CAMK2G: variants seen among roughly 807,000 people sequenced by gnomAD.
CAMK2G encodes the protein calcium/calmodulin dependent protein kinase II gamma, also known as calcium/calmodulin-dependent protein kinase type II subunit gamma.
Under a neutral mutation model 88.7 loss-of-function variants are expected in CAMK2G, and 23 were observed. The ratio of observed to expected loss-of-function variants is 0.26; its 90% CI spans 0.19 to 0.37. The LOEUF is 0.37. CAMK2G is among the 10% of genes least tolerant of loss of function. The pLI is 1.00. For missense variants in CAMK2G, 476 were observed against 780.8 expected (o/e 0.61, Z 4.65); for synonymous variants, 263 against 294.8 (o/e 0.89, Z 1.11).
intron 10 of CAMK2G, among the ~76,000 whole-genome samples, chr10:73,843,041 T>G (rs2093931548): frequency 6.6e-6 from 1 of 152,024 alleles, no homozygotes; most frequent in Non-Finnish European, 1.5e-5. Context: ...ATCGTCACCT[T>G]GAAGCATCAA....
intron 12 of CAMK2G, among the ~76,000 whole-genome samples, chr10:73,841,659 G>C (rs945456671): frequency 1.3e-5 from 2 of 152,112 alleles, no homozygotes; most frequent in Non-Finnish European, 2.9e-5. Context: ...TAGTATCTCA[G>C]GGACTATTTT....
At chr10:73,856,768 G>A (rs1015448894) in intron 3 of CAMK2G, among the ~76,000 whole-genome samples, 2 of 152,156 alleles carry the variant, frequency 1.3e-5, no homozygotes, top group African/African-American at 2.4e-5. Context: ...AAACCTAATT[G>A]CTGTTCTTTA....
chr10:73,862,042 T>C (rs975721515), intron 2 of CAMK2G, among the ~76,000 whole-genome samples: 1 of 152,140 alleles, frequency 6.6e-6, no homozygotes, highest in African/African-American at 2.4e-5. Flanking sequence ...GACTCCAGGA[T>C]TACTTGGTTT....
chr10:73,816,811 G>T (rs28431212), intron 21 of CAMK2G: 1 of 1,529,372 alleles, frequency 6.5e-7, no homozygotes, highest in African/African-American at 1.4e-5. Context: ...AGCAGCTGCA[G>T]AATGAATGGC....
intron 14 of CAMK2G, among the ~76,000 whole-genome samples, chr10:73,835,142 T>C (rs2093039210): frequency 6.6e-6 from 1 of 152,186 alleles, no homozygotes; most frequent in South Asian, 2.1e-4. Context: ...TTTGGATGTT[T>C]ATCTGTCTGC....
intron 2 of CAMK2G, among the ~76,000 whole-genome samples, chr10:73,869,899 A>G (rs185174595): frequency 2.8e-4 from 42 of 152,396 alleles, no homozygotes; most frequent in African/African-American, 9.6e-4. Context: ...TAAATGGTAC[A>G]TATACAGAAG....
intron 15 of CAMK2G, among the ~76,000 whole-genome samples, chr10:73,826,641 C>T (rs761508189): frequency 5.3e-5 from 8 of 152,214 alleles, no homozygotes; most frequent in Admixed American, 1.3e-4. Context: ...GAGGAGCAGC[C>T]TGATGCCTGC....
intron 5 of CAMK2G, 87 bp downstream of exon 5, chr10:73,852,167 G>C: frequency 1.1e-6 from 1 of 941,698 alleles, no homozygotes; most frequent in Non-Finnish European, 1.8e-6. Flanking sequence ...ATTCAAACAG[G>C]TACAATGCTG....
rs1258592921 is a variant in CAMK2G at position 73,856,849 on chromosome 10, T to C, written c.221-3603A>G. Reference sequence around the variant, plus strand: ...CTTGATATTTCATGTCTTCAAGGACTGAGATAGCCACAACCCAAATGTTGT... The same window carrying C: ...CTTGATATTTCATGTCTTCAAGGACCGAGATAGCCACAACCCAAATGTTGT... On this transcript the variant is annotated intron_variant, in intron 3 of 22. Transcript: ENST00000423381. 3.9e-5 allele frequency among the ~76,000 whole-genome samples: 6 copies of C among 152,272 alleles called. No individual in the cohort carries two copies. The South Asian group carries it at 8.3e-4, about 21-fold the overall frequency.
Position 73,842,519 on chromosome 10 carries a change from A to G in CAMK2G, c.842T>C (p.Met281Thr). The change falls in exon 11 of 23, where the codon ATG (methionine) becomes ACG (threonine). Residue 281 changes from methionine to threonine, a missense_variant. Physicochemically the swap from Met to Thr is moderately conservative, Grantham distance 81. Coordinates refer to ENST00000423381, the MANE Select transcript of CAMK2G (RefSeq NM_001367534.1). This position sits in a 1 kb window ranked among gnomAD's most constrained non-coding sequence, Gnocchi z 4.6. Reference sequence around the variant, plus strand: ...CTCCACAGTCTCCTGACGATGCATCATGGATGCCACCGTGGATCGTTGCTA... The same window carrying G: ...CTCCACAGTCTCCTGACGATGCATCGTGGATGCCACCGTGGATCGTTGCTA... Reference protein sequence around the residue: ...WVCQRSTVASMMHRQETVECL... With the variant: ...WVCQRSTVASTMHRQETVECL... The G allele has an allele frequency of 1.2e-6, 2 of 1,613,366 alleles. No homozygotes were observed. Among genetic ancestry groups the G allele is most frequent in the Non-Finnish European group, 1.7e-6 (2 of 1,179,300 alleles).
intron 18 of CAMK2G, among the ~76,000 whole-genome samples, 192 bp downstream of exon 18, chr10:73,821,490 G>T (rs1010899518): frequency 3.3e-5 from 5 of 152,182 alleles, no homozygotes; most frequent in Admixed American, 3.3e-4. Context: ...GAAGCCTCTT[G>T]CCCAACTCAG....
intron 2 of CAMK2G, among the ~76,000 whole-genome samples, chr10:73,866,325 C>A (rs574650506): frequency 2.0e-5 from 3 of 152,284 alleles, no homozygotes; most frequent in Admixed American, 6.5e-5. Flanking sequence ...CCCTGAACCA[C>A]CTCCCCCTCT....
At chr10:73,822,241 C>A (rs1188779630) in intron 17 of CAMK2G, among the ~76,000 whole-genome samples, 3 of 152,188 alleles carry the variant, frequency 2.0e-5, no homozygotes, top group African/African-American at 7.2e-5. Context: ...GATCTCGGCT[C>A]ACTGCAACCT....
intron 1 of CAMK2G, chr10:73,873,563 G>A (rs2095925103): frequency 1.0e-6 from 1 of 992,118 alleles, no homozygotes; most frequent in Non-Finnish European, 1.2e-6. Flanking sequence ...GCAAAGTGAG[G>A]CTCAAACCCC....
At chr10:73,861,648 G>A (rs1022623966) in intron 2 of CAMK2G, among the ~76,000 whole-genome samples, 1 of 152,134 alleles carries the variant, frequency 6.6e-6, no homozygotes, top group Non-Finnish European at 1.5e-5. Context: ...GAGCCACCGC[G>A]CCTGGCCCAG....
At chr10:73,870,936 T>C (rs1404769579) in intron 2 of CAMK2G, among the ~76,000 whole-genome samples, 1 of 152,030 alleles carries the variant, frequency 6.6e-6, no homozygotes, top group Non-Finnish European at 1.5e-5. Flanking sequence ...GTTCCCTCCA[T>C]CTCCAAGACA....
Position 73,830,316 on chromosome 10 carries a change from C to T in CAMK2G, c.1054-2195G>A, listed in dbSNP as rs546695235. ...AGAGATAAGGTCTTGCTCTATTGCC[C>T]GGGCTGAAGTACTGGCATGATCATG... is the stretch of plus-strand genomic sequence containing the variant. On this transcript the variant is annotated intron_variant, in intron 14 of 22. Coordinates refer to ENST00000423381, the MANE Select transcript of CAMK2G (RefSeq NM_001367534.1). Among the ~76,000 whole-genome samples, 20 of 152,104 alleles carry T rather than the reference C, an allele frequency of 1.3e-4. No homozygotes were observed. In the East Asian group the frequency reaches 2.1e-3, roughly 16 times the overall value.
chr10:73,861,773 C>T (rs935262760), intron 2 of CAMK2G, among the ~76,000 whole-genome samples: 1 of 152,112 alleles, frequency 6.6e-6, no homozygotes, highest in Admixed American at 6.5e-5. Context: ...TGATGGCAAG[C>T]CTGAAACATA....
At chr10:73,864,183 C>A (rs1196984815) in intron 2 of CAMK2G, among the ~76,000 whole-genome samples, 1 of 152,082 alleles carries the variant, frequency 6.6e-6, no homozygotes, top group Non-Finnish European at 1.5e-5. Context: ...AACCCCATCT[C>A]TACTAAAAAT....
Sources: allele counts gnomAD v4.1 joint callset (sites outside exome capture counted in the v4.1 genomes callset), GRCh38; gene constraint gnomAD v4.1.1; non-coding constraint Gnocchi (gnomAD v3.1); transcripts MANE v1.5; gene names NCBI Gene and HGNC (gene_info 2026-07-23, HGNC 2026-07-21).